CLCN1: variants seen among roughly 807,000 people sequenced by gnomAD.
CLCN1 encodes the protein chloride channel protein 1.
A neutral mutation model predicts 114.5 loss-of-function variants in CLCN1; 100 were observed. That is an observed-to-expected ratio of 0.87 (90% CI 0.74 to 1.03). CLCN1 has a LOEUF of 1.03. Ranked by LOEUF, CLCN1 falls within the 50% of genes least tolerant of loss-of-function variation. CLCN1 has a pLI of 0.00. For missense variants in CLCN1, 1,188 were observed against 1,250.0 expected, an observed-to-expected ratio of 0.95 and a Z score of 0.75; for synonymous variants, 485 against 487.1, an observed-to-expected ratio of 1.00 and a Z score of 0.06.
intron 16 of CLCN1, among the ~76,000 whole-genome samples, chr7:143,344,753 T>TTTG (rs1554438896): frequency 4.1e-5 from 6 of 146,204 alleles, no homozygotes; most frequent in African/African-American, 1.5e-4. Context: ...CTAGCAGGGT[T>TTTG]TTTTTTTTTT....
Position 143,332,766 on chromosome 7 carries a change from A to T in CLCN1, c.1294A>T (p.Thr432Ser). The T allele has an allele frequency of 1.2e-6, 2 of 1,614,230 alleles. No individual in the cohort carries two copies. Among genetic ancestry groups the T allele is most frequent in the African/African-American group, 2.7e-5 (2 of 75,064 alleles). ...EAISTLFDNNTWVKHAGDPES... is the reference protein window; with the variant it reads ...EAISTLFDNNSWVKHAGDPES... ...CATCAGTACTTTGTTTGACAACAAT[A>T]CATGGGTGAAACACGCGGGTGATCC... The change falls in exon 12 of 23, where the codon ACA becomes TCA. Residue 432 changes from threonine to serine, a missense_variant. Thr to Ser is a moderately conservative substitution (Grantham distance 58, BLOSUM62 1). Transcript: ENST00000343257.
rs767000881 is a variant in CLCN1 at position 143,331,315 on chromosome 7, G to A, written c.1063G>A (p.Gly355Arg). The stretch of plus-strand genomic sequence containing the variant: ...GGAACTACCAGCTTTTGCTGCCATC[G>A]GGTCAGTGGGGTTACCTGCTCTGTG... The part of the protein sequence containing the change: ...LKELPAFAAI[G>R]ICCGLLGAVF... The change falls in exon 9 of 23, where the codon GGG becomes AGG. Residue 355 changes from glycine (G) to arginine (R), a missense_variant and splice_region_variant. Physicochemically the swap from Gly to Arg is moderately radical, Grantham distance 125. Transcript: ENST00000343257. 8.7e-6 allele frequency: 14 copies of A among 1,600,656 alleles called. No homozygotes were observed. The highest frequency in any genetic ancestry group is 3.3e-5 in the Admixed American group (2 of 59,986).
intron 5 of CLCN1, among the ~76,000 whole-genome samples, chr7:143,322,328 G>A (rs1312393866): frequency 6.6e-6 from 1 of 152,160 alleles, no homozygotes; most frequent in Non-Finnish European, 1.5e-5. Flanking sequence ...GACTGAGAAA[G>A]AGGCTGTGCT....
rs771423077 is a variant in CLCN1 at position 143,321,328 on chromosome 7, C to T, written c.434-37C>T. 1 of 1,612,976 alleles carries T rather than the reference C, an allele frequency of 6.2e-7. No individual in the cohort carries two copies. The highest frequency in any genetic ancestry group is 1.3e-5 in the African/African-American group (1 of 74,874). On this transcript the variant is annotated intron_variant, in intron 3 of 22. Transcript: ENST00000343257. The surrounding 1 kb of genome is among the most constrained non-coding windows in gnomAD (Gnocchi z 4.2). ...TGGTGCCGTGGACACGGCTGCTCAG[C>T]CATGTTCTGCCTAACCCCAGGCATG...
At chr7:143,345,888 G>A in intron 17 of CLCN1, 126 bp downstream of exon 17, 1 of 1,368,058 alleles carries the variant, frequency 7.3e-7, no homozygotes, top group Non-Finnish European at 1.0e-6. Context: ...AAGAGGGAGG[G>A]GAGAGTCTGG....
chr7:143,334,603 A>AT (rs1586501926), intron 12 of CLCN1, among the ~76,000 whole-genome samples: 1 of 152,024 alleles, frequency 6.6e-6, no homozygotes, highest in African/African-American at 2.4e-5. Flanking sequence ...AAAACGTTCT[A>AT]TTTTTTGCTG....
In CLCN1 at chr7:143,345,642, G is replaced by A. The variant is rs1408327593; in HGVS notation, c.2052G>A (p.Leu684=). ...AQEMARKLSE[L]PYDGKARLAG... ...AGATGGCGCGGAAGTTGTCGGAGCT[G>A]CCTTACGACGGGAAGGCGCGGCTGG... Residue 684 remains leucine, a synonymous_variant, in exon 17 of 23, where the codon CTG becomes CTA. Coordinates refer to ENST00000343257, the MANE Select transcript of CLCN1 (RefSeq NM_000083.3). 1.9e-6 allele frequency: 3 copies of A among 1,565,342 alleles called. No homozygotes were observed. The African/African-American group carries it at 4.1e-5, about 21-fold the overall frequency.
rs555409185 is a variant in CLCN1 at position 143,316,221 on chromosome 7, A to G, written c.9A>G (p.Gln3=). The G allele has an allele frequency of 1.2e-5, 19 of 1,612,934 alleles. No homozygotes were observed. The South Asian group carries it at 1.9e-4, about 16-fold the overall frequency. Reference sequence around the variant, plus strand: ...GCTCGGGGGGAGGGAATATGGAGCAATCCCGGTCACAGCAGCGTGGGGGTG... The same window carrying G: ...GCTCGGGGGGAGGGAATATGGAGCAGTCCCGGTCACAGCAGCGTGGGGGTG... ME[Q]SRSQQRGGEQ... The change falls in exon 1 of 23, where the codon CAA becomes CAG. Residue 3 remains glutamine, a synonymous_variant. Transcript: ENST00000343257.
chr7:143,346,611 C>T lies in CLCN1; in HGVS notation c.2317C>T (p.His773Tyr). Residue 773 changes from histidine to tyrosine, a missense_variant, in exon 19 of 23, where the codon CAC becomes TAC. His to Tyr is a moderately conservative substitution (Grantham distance 83). Coordinates refer to ENST00000343257, the MANE Select transcript of CLCN1 (RefSeq NM_000083.3). The part of the protein sequence containing the change: ...QRPSIFQSLL[H>Y]CLLGRARPTK... ...ACCCTCCATCTTCCAGTCCCTGCTT[C>T]ACTGCTTGCTGGGCAGAGCTCGCCC... 1 of 1,613,942 alleles carries T rather than the reference C, an allele frequency of 6.2e-7. No homozygotes were observed. Among genetic ancestry groups the T allele is most frequent in the Non-Finnish European group, 8.5e-7 (1 of 1,179,944 alleles).
At chr7:143,319,227 G>A (rs1802365196) in intron 1 of CLCN1, among the ~76,000 whole-genome samples, 1 of 152,190 alleles carries the variant, frequency 6.6e-6, no homozygotes, top group Admixed American at 6.5e-5. Context: ...TGAAGTGGAT[G>A]GTCTTGAAGC....
At position 143,352,002 on chromosome 7, in the gene CLCN1, G is replaced by A; in HGVS notation, c.*37G>A. The A allele has an allele frequency of 4.3e-6, 7 of 1,612,178 alleles. No homozygotes were observed. The highest frequency in any genetic ancestry group is 5.9e-6 in the Non-Finnish European group (7 of 1,179,986). On this transcript the variant is annotated 3_prime_UTR_variant, in exon 23 of 23. Transcript: ENST00000343257. ...GACCTCCTCATAAAGACCGTGGAGAGGCCCAGCCTGAGGGTGAACTTGTGT... is the reference window on the plus strand; with the variant it reads ...GACCTCCTCATAAAGACCGTGGAGAAGCCCAGCCTGAGGGTGAACTTGTGT...
At position 143,321,487 on chromosome 7, in the gene CLCN1, G is replaced by C; in HGVS notation, c.556G>C (p.Ala186Pro). Residue 186 changes from alanine (A) to proline (P), a missense_variant, in exon 4 of 23, where the codon GCT (alanine) becomes CCT (proline). Ala to Pro is a conservative substitution (Grantham distance 27, BLOSUM62 -1). Coordinates refer to ENST00000343257, the MANE Select transcript of CLCN1 (RefSeq NM_000083.3). The surrounding 1 kb of genome is among the most constrained non-coding windows in gnomAD (Gnocchi z 4.2). The stretch of plus-strand genomic sequence containing the variant: ...CTTCTGCCACCTCATCTCTCCCCAG[G>C]CTGTTGGTGAGAACTTGCCACCAGA... Reference protein sequence around the residue: ...ALFCHLISPQAVGSGIPEMKT... With the variant: ...ALFCHLISPQPVGSGIPEMKT... The C allele has an allele frequency of 1.2e-6, 2 of 1,613,976 alleles. No individual in the cohort carries two copies. The highest frequency in any genetic ancestry group is 2.2e-5 in the East Asian group (1 of 44,860).
At chr7:143,346,471 T>G in intron 18 of CLCN1, 108 bp from the exon 19 acceptor site, 1 of 858,064 alleles carries the variant, frequency 1.2e-6, no homozygotes, top group Non-Finnish European at 2.0e-6. Flanking sequence ...GAGGGTGAGG[T>G]ACCTGGGAAG....
In CLCN1 at chr7:143,320,912, C is replaced by T. The variant is rs572489666; in HGVS notation, c.433+117C>T. The T allele has an allele frequency of 1.6e-4, 204 of 1,248,204 alleles. No homozygotes were observed. The African/African-American group carries it at 1.9e-3, about 11-fold the overall frequency. 77.3% of individuals were successfully genotyped at this position (1,248,204 alleles called of 1,614,324 possible). A position where few individuals can be genotyped will look rare whatever the true frequency, so the allele number is the denominator to read the frequency against. ...GGTGTGTTATGGGAAGCGAATATTG[C>T]GCAGAGAGGGATCAGGTGGGACTCC... On this transcript the variant is annotated intron_variant, in intron 3 of 22. Transcript: ENST00000343257.
In CLCN1 at chr7:143,321,647, T is replaced by A; in HGVS notation, c.563-68T>A. 1 of 1,610,330 alleles carries A rather than the reference T, an allele frequency of 6.2e-7. No individual in the cohort carries two copies. Among genetic ancestry groups the A allele is most frequent in the Non-Finnish European group, 8.5e-7 (1 of 1,176,680 alleles). On this transcript the variant is annotated intron_variant, in intron 4 of 22. Transcript: ENST00000343257. This position sits in a 1 kb window ranked among gnomAD's most constrained non-coding sequence, Gnocchi z 4.2. ...CAGCCCTCTCCAATTCCCATTCCCA[T>A]ATTCTGGACATTCATCTCCCTTTTC...
Position 143,350,742 on chromosome 7 carries a change from T to A in CLCN1, c.2595+88T>A. ...AGTGGGGACAGAAGGAATATTAGCA[T>A]CTCAGAAGTCCCCTCAGATTCCCTT... On this transcript the variant is annotated intron_variant, in intron 22 of 22. Transcript: ENST00000343257. The surrounding 1 kb of genome is among the most constrained non-coding windows in gnomAD (Gnocchi z 5.1). The A allele has an allele frequency of 2.2e-6, 2 of 910,296 alleles. No individual in the cohort carries two copies. Among genetic ancestry groups the A allele is most frequent in the Non-Finnish European group, 3.6e-6 (2 of 557,598 alleles). 56.4% of individuals were successfully genotyped at this position (910,296 alleles called of 1,614,324 possible). A position where few individuals can be genotyped will look rare whatever the true frequency, so the allele number is the denominator to read the frequency against.
intron 12 of CLCN1, among the ~76,000 whole-genome samples, chr7:143,335,493 T>C (rs1011827062): frequency 6.6e-6 from 1 of 152,198 alleles, no homozygotes; most frequent in African/African-American, 2.4e-5. Flanking sequence ...TGTCTAATCA[T>C]TGGACACAAT....
intron 10 of CLCN1, 102 bp downstream of exon 10, chr7:143,331,754 G>A: frequency 7.4e-6 from 6 of 809,802 alleles, no homozygotes; most frequent in Non-Finnish European, 1.3e-5. Context: ...CCTCTGGGTG[G>A]CTTGCATTAA....
Position 143,331,244 on chromosome 7 carries a change from C to G in CLCN1, c.992C>G (p.Ala331Gly). ...TTCCATCCTACAGTCACCATCACTG[C>G]TCTGTTCAGAACCAATTTCCGAATG... is the stretch of plus-strand genomic sequence containing the variant. ...VWNKDAVTITALFRTNFRMDF... is the reference protein window; with the variant it reads ...VWNKDAVTITGLFRTNFRMDF... Residue 331 changes from alanine to glycine, a missense_variant, in exon 9 of 23, where the codon GCT becomes GGT. Physicochemically the swap from Ala to Gly is moderately conservative, Grantham distance 60 (BLOSUM62 0). Coordinates refer to ENST00000343257, the MANE Select transcript of CLCN1 (RefSeq NM_000083.3). The G allele has an allele frequency of 6.2e-7, 1 of 1,611,728 alleles. No homozygotes were observed. Among genetic ancestry groups the G allele is most frequent in the Non-Finnish European group, 8.5e-7 (1 of 1,177,772 alleles).
Sources: gnomAD v4.1 joint callset for allele counts (sites outside exome capture counted in the v4.1 genomes callset) on GRCh38, gnomAD v4.1.1 for gene constraint, Gnocchi (gnomAD v3.1) non-coding constraint, MANE v1.5 for transcripts, NCBI Gene and HGNC (gene_info 2026-07-23, HGNC 2026-07-21) for gene names.